Variants in ABCA13 observed in about 807,000 individuals in gnomAD.
The protein encoded by ABCA13 is ATP-binding cassette sub-family A member 13.
A neutral mutation model predicts 478.7 loss-of-function variants in ABCA13; 476 were observed. The observed-to-expected ratio is 0.99, with a 90% CI of 0.92 to 1.07. ABCA13 has a LOEUF of 1.07. Among genes scored for constraint, ABCA13 ranks in the 50% least tolerant of loss-of-function variants. ABCA13 has a pLI of 0.00. For synonymous variants in ABCA13, 2,252 were observed against 2,158.9 expected, an observed-to-expected ratio of 1.04 and a Z score of -1.20; for missense variants, 6,060 against 5,910.6, an observed-to-expected ratio of 1.03 and a Z score of -0.83.
At chr7:48,407,582 A>G (rs946243025) in intron 39 of ABCA13, among the ~76,000 whole-genome samples, 1 of 151,886 alleles carries the variant, frequency 6.6e-6, no homozygotes, top group Non-Finnish European at 1.5e-5. Flanking sequence ...TTTGAGATGG[A>G]GTCTTGCTCT....
In ABCA13 at chr7:48,643,385, C is replaced by A; in HGVS notation, c.14935C>A (p.Gln4979Lys). Residue 4979 changes from glutamine to lysine, a missense_variant, in exon 60 of 62, where the codon CAG becomes AAG. Gln to Lys is a moderately conservative substitution (Grantham distance 53, BLOSUM62 1). This residue lies in a region of ABCA13 where 1,627 missense variants were observed against 1,571.0 expected (regional missense o/e 1.04). Coordinates refer to ENST00000435803, the MANE Select transcript of ABCA13 (RefSeq NM_152701.5). ...CTTGAAGCTTTATTTTCCAGGAATTCAGTTCAAGGTAGTGCTAATATCTTG... is the reference window on the plus strand; with the variant it reads ...CTTGAAGCTTTATTTTCCAGGAATTAAGTTCAAGGTAGTGCTAATATCTTG... ...DHLKLYFPGIQFKGQHLNLLE... is the reference protein window; with the variant it reads ...DHLKLYFPGIKFKGQHLNLLE... 6.2e-7 allele frequency: 1 copy of A among 1,611,344 alleles called. No homozygotes were observed. Among genetic ancestry groups the A allele is most frequent in the Non-Finnish European group, 8.5e-7 (1 of 1,177,674 alleles).
intron 29 of ABCA13, 143 bp from the exon 30 acceptor site, chr7:48,350,500 C>A (rs1347648555): frequency 2.1e-6 from 2 of 974,190 alleles, no homozygotes; most frequent in Non-Finnish European, 2.9e-6. Context: ...CACATATGAC[C>A]AAAATTTGAC....
chr7:48,362,636 C>A (rs1462503978), intron 31 of ABCA13, among the ~76,000 whole-genome samples: 1 of 151,078 alleles, frequency 6.6e-6, no homozygotes, highest in African/African-American at 2.4e-5. Flanking sequence ...TATAATTTTT[C>A]TTTTAAGCTA....
chr7:48,586,857 C>T (rs1181730371), intron 56 of ABCA13, among the ~76,000 whole-genome samples: 1 of 152,094 alleles, frequency 6.6e-6, no homozygotes, highest in Non-Finnish European at 1.5e-5. Flanking sequence ...CCTCAACATG[C>T]TTATTTATCT....
chr7:48,221,094 A>C (rs1335736105), intron 4 of ABCA13, among the ~76,000 whole-genome samples, 187 bp from the exon 5 acceptor site: 1 of 152,188 alleles, frequency 6.6e-6, no homozygotes, highest in Non-Finnish European at 1.5e-5. Flanking sequence ...AGATTTGGAA[A>C]TCTATGGTGA....
chr7:48,469,529 A>G (rs548592741), intron 44 of ABCA13, among the ~76,000 whole-genome samples: 1 of 151,258 alleles, frequency 6.6e-6, no homozygotes, highest in Non-Finnish European at 1.5e-5. Context: ...TTCTATAGAA[A>G]GAACAGTCAC....
intron 48 of ABCA13, among the ~76,000 whole-genome samples, chr7:48,496,204 G>T (rs551381167): frequency 4.6e-5 from 7 of 151,320 alleles, no homozygotes; most frequent in Admixed American, 6.6e-5. Flanking sequence ...CATTTTTTTT[G>T]ATTCTATTAT....
At chr7:48,466,046 T>C (rs1211385107) in intron 43 of ABCA13, among the ~76,000 whole-genome samples, 2 of 152,146 alleles carry the variant, frequency 1.3e-5, no homozygotes, top group Non-Finnish European at 2.9e-5. Context: ...AGATTCTTAC[T>C]CAAAAAGTAT....
At chr7:48,296,464 C>CTTT (rs557053131) in intron 21 of ABCA13, among the ~76,000 whole-genome samples, 4 of 143,518 alleles carry the variant, frequency 2.8e-5, no homozygotes, top group East Asian at 2.0e-4. Flanking sequence ...TTTCTTTTCT[C>CTTT]TTTTTTTTTT....
intron 38 of ABCA13, among the ~76,000 whole-genome samples, chr7:48,399,697 C>T (rs1354956732): frequency 6.6e-6 from 1 of 152,092 alleles, no homozygotes; most frequent in East Asian, 1.9e-4. Context: ...AGAGACAGTG[C>T]ACAAGAGCAG....
chr7:48,388,328 T>C (rs1815501195), intron 36 of ABCA13, among the ~76,000 whole-genome samples: 1 of 152,238 alleles, frequency 6.6e-6, no homozygotes, highest in African/African-American at 2.4e-5. Context: ...GTGTAAAGCA[T>C]TTAAAAATTT....
chr7:48,244,538 C>G (rs1332428386), intron 10 of ABCA13, 38 bp from the exon 11 acceptor site: 3 of 1,592,952 alleles, frequency 1.9e-6, no homozygotes, highest in Non-Finnish European at 2.6e-6. Context: ...CTTCGAACTA[C>G]TTTTCATTTT....
At chr7:48,371,557 A>G (rs1280790341) in intron 32 of ABCA13, among the ~76,000 whole-genome samples, 1 of 152,086 alleles carries the variant, frequency 6.6e-6, no homozygotes, top group East Asian at 1.9e-4. Flanking sequence ...GCAATTGTGA[A>G]TGGGAGTTCA....
At chr7:48,460,887 C>G (rs561180106) in intron 43 of ABCA13, among the ~76,000 whole-genome samples, 1 of 152,138 alleles carries the variant, frequency 6.6e-6, no homozygotes, top group East Asian at 1.9e-4. Flanking sequence ...AAATGGTCAC[C>G]GGGATGTGAT....
intron 38 of ABCA13, among the ~76,000 whole-genome samples, chr7:48,396,408 T>C (rs531207120): frequency 6.6e-6 from 1 of 152,356 alleles, no homozygotes; most frequent in South Asian, 2.1e-4. Flanking sequence ...GGAACTTACA[T>C]GAGTGATCTC....
At chr7:48,256,401 G>T (rs1793390549) in intron 15 of ABCA13, among the ~76,000 whole-genome samples, 1 of 152,182 alleles carries the variant, frequency 6.6e-6, no homozygotes, top group Middle Eastern at 3.4e-3. Flanking sequence ...TATTGCCTAG[G>T]TTATCTTCCA....
intron 48 of ABCA13, among the ~76,000 whole-genome samples, chr7:48,504,526 G>A (rs932450975): frequency 6.6e-6 from 1 of 152,010 alleles, no homozygotes; most frequent in African/African-American, 2.4e-5. Context: ...AGATGATGGG[G>A]ATATTTGCCC....
At chr7:48,344,645 T>TG (rs994882898) in intron 29 of ABCA13, among the ~76,000 whole-genome samples, 31 of 152,312 alleles carry the variant, frequency 2.0e-4, no homozygotes, top group African/African-American at 7.5e-4. Context: ...GGGCCCTATG[T>TG]GTTTTTCTTG....
At chr7:48,420,905 G>C (rs934605972) in intron 41 of ABCA13, among the ~76,000 whole-genome samples, 2 of 152,086 alleles carry the variant, frequency 1.3e-5, no homozygotes, top group East Asian at 1.9e-4. Context: ...CTGTCAATCT[G>C]CAAGAATTCC....
Sources: allele counts gnomAD v4.1 joint callset (sites outside exome capture counted in the v4.1 genomes callset), GRCh38; gene constraint gnomAD v4.1.1; regional missense constraint gnomAD v4.1.1; transcripts MANE v1.5; gene names NCBI Gene and HGNC (gene_info 2026-07-23, HGNC 2026-07-21).